Variants in UTP6 observed in about 807,000 individuals in gnomAD.
UTP6 encodes UTP6 small subunit processome component.
In UTP6, 60 loss-of-function variants were observed where a neutral mutation model predicts 96.5. The ratio of observed to expected loss-of-function variants is 0.62; its 90% confidence interval spans 0.51 to 0.77. The LOEUF is 0.77. UTP6 is among the 30% of genes least tolerant of loss of function. The pLI, the probability that UTP6 is intolerant of heterozygous loss-of-function variation, is 0.00. For missense variants in UTP6, 637 were observed against 706.5 expected, an observed-to-expected ratio of 0.90 and a Z score of 1.12; for synonymous variants, 215 against 240.1, an observed-to-expected ratio of 0.90 and a Z score of 0.96.
chr17:31,865,229 T>G, intron 18 of UTP6, 137 bp downstream of exon 18: 1 of 737,846 alleles, frequency 1.4e-6, no homozygotes. Context: ...GCCAGGCTGG[T>G]CTCGAACTCC....
intron 18 of UTP6, among the ~76,000 whole-genome samples, chr17:31,864,348 C>T (rs1909698065): frequency 6.6e-6 from 1 of 152,176 alleles, no homozygotes; most frequent in African/African-American, 2.4e-5. Context: ...GATTGCGCCA[C>T]TGCACTCCAG....
intron 12 of UTP6, 113 bp downstream of exon 12, chr17:31,878,589 G>A (rs1057224762): frequency 9.4e-7 from 1 of 1,061,632 alleles, no homozygotes; most frequent in Non-Finnish European, 1.4e-6. Flanking sequence ...AGAGAGAGTG[G>A]CTAAACATAA....
chr17:31,879,144 C>T (rs1292082440), intron 11 of UTP6, among the ~76,000 whole-genome samples: 3 of 152,192 alleles, frequency 2.0e-5, no homozygotes, highest in African/African-American at 4.8e-5. Context: ...AATCCCATCA[C>T]TTTGGGAGGC....
At chr17:31,889,104 G>A (rs1283084894) in intron 7 of UTP6, among the ~76,000 whole-genome samples, 181 bp downstream of exon 7, 7 of 151,826 alleles carry the variant, frequency 4.6e-5, no homozygotes, top group African/African-American at 1.7e-4. Context: ...GGCCAACATG[G>A]CAAAACCCCG....
At chr17:31,883,510 T>C (rs898465794) in intron 10 of UTP6, among the ~76,000 whole-genome samples, 2 of 151,996 alleles carry the variant, frequency 1.3e-5, no homozygotes, top group Non-Finnish European at 2.9e-5. Flanking sequence ...AAACGTGGTT[T>C]CTCCATGTTG....
chr17:31,894,523 T>C, intron 4 of UTP6, 122 bp downstream of exon 4: 1 of 680,006 alleles, frequency 1.5e-6, no homozygotes, highest in South Asian at 2.1e-5. Flanking sequence ...AATGATACCA[T>C]CATTAGAGTA....
At chr17:31,880,961 A>G (rs1910797542) in intron 10 of UTP6, among the ~76,000 whole-genome samples, 1 of 152,124 alleles carries the variant, frequency 6.6e-6, no homozygotes, top group South Asian at 2.1e-4. Context: ...GGATCACCTG[A>G]GGTCGGGAGT....
At chr17:31,893,683 T>C (rs765900677) in intron 4 of UTP6, among the ~76,000 whole-genome samples, 52 of 130,446 alleles carry the variant, frequency 4.0e-4, no homozygotes, top group Non-Finnish European at 6.0e-4. Flanking sequence ...TGAGCCAAGA[T>C]CACACCACTG....
chr17:31,890,987 CA>C (rs1347526982), intron 6 of UTP6, among the ~76,000 whole-genome samples: 2 of 151,848 alleles, frequency 1.3e-5, no homozygotes, highest in South Asian at 4.1e-4. Flanking sequence ...GACTCTGTCT[CA>C]AAAAAATAAA....
chr17:31,874,822 C>G (rs1910395309), intron 14 of UTP6, among the ~76,000 whole-genome samples: 1 of 151,526 alleles, frequency 6.6e-6, no homozygotes, highest in East Asian at 2.0e-4. Context: ...GTCCCAGCTA[C>G]TCGGGAGGCT....
Position 31,896,555 on chromosome 17 carries a change from T to C in UTP6, c.178-1544A>G, listed in dbSNP as rs920708022. ...ACAGTTCTTTATATATGTGTATATG[T>C]AGTTCTAATTATGTGTTGTAAATAT... On this transcript the variant is annotated intron_variant, in intron 2 of 18. Coordinates refer to ENST00000261708, the MANE Select transcript of UTP6 (RefSeq NM_018428.3). Among the ~76,000 whole-genome samples the C allele has an allele frequency of 5.9e-5, 9 of 152,206 alleles. No individual in the cohort carries two copies. The South Asian group carries it at 1.7e-3, about 28-fold the overall frequency.
intron 13 of UTP6, among the ~76,000 whole-genome samples, chr17:31,876,037 T>C (rs1215471361): frequency 6.6e-6 from 1 of 151,578 alleles, no homozygotes. Context: ...TTTGTTTTTC[T>C]TTTTCTTTTT....
chr17:31,875,820 CAAAAAAAAAA>C (rs1012799437), intron 13 of UTP6, among the ~76,000 whole-genome samples: 1 of 65,816 alleles, frequency 1.5e-5, no homozygotes, highest in Non-Finnish European at 3.0e-5. Flanking sequence ...AACTCTATCT[CAAAAAAAAAA>C]AAAAAAAAGA....
At chr17:31,891,567 A>ATTT (rs1911494640) in intron 6 of UTP6, among the ~76,000 whole-genome samples, 1 of 152,194 alleles carries the variant, frequency 6.6e-6, no homozygotes, top group African/African-American at 2.4e-5. Flanking sequence ...TCACAAGAGA[A>ATTT]ATATTTCTCT....
intron 1 of UTP6, 39 bp downstream of exon 1, chr17:31,901,497 G>T: frequency 6.2e-7 from 1 of 1,604,666 alleles, no homozygotes. Flanking sequence ...CCTCCCCTCA[G>T]GCCGCCTCAG....
chr17:31,885,666 T>C (rs778707478), intron 9 of UTP6, among the ~76,000 whole-genome samples: 2 of 151,756 alleles, frequency 1.3e-5, no homozygotes, highest in Non-Finnish European at 2.9e-5. Flanking sequence ...CACACACCTA[T>C]AGTCCCAGCT....
At chr17:31,888,881 C>A (rs1036198275) in intron 7 of UTP6, among the ~76,000 whole-genome samples, 1 of 152,040 alleles carries the variant, frequency 6.6e-6, no homozygotes, top group Non-Finnish European at 1.5e-5. Context: ...ATCATCCTGG[C>A]TAACATGGTA....
At chr17:31,899,026 T>C (rs1346688233) in intron 2 of UTP6, among the ~76,000 whole-genome samples, 5 of 151,662 alleles carry the variant, frequency 3.3e-5, no homozygotes, top group South Asian at 2.1e-4. Flanking sequence ...AGCAAGACTC[T>C]TGTCTCAAAA....
intron 10 of UTP6, among the ~76,000 whole-genome samples, chr17:31,881,208 G>C (rs1910817660): frequency 6.7e-6 from 1 of 149,236 alleles, no homozygotes; most frequent in Admixed American, 6.7e-5. Context: ...AGGCTCTCCA[G>C]AATATGTTCA....
Sources: allele counts gnomAD v4.1 joint callset (sites outside exome capture counted in the v4.1 genomes callset), GRCh38; gene constraint gnomAD v4.1.1; transcripts MANE v1.5; gene names NCBI Gene and HGNC (gene_info 2026-07-23, HGNC 2026-07-21).